Variants in USP34 observed in about 807,000 individuals in gnomAD.
USP34 encodes ubiquitin carboxyl-terminal hydrolase 34.
USP34 carries 70 observed loss-of-function variants against 460.3 expected under a neutral mutation model. That is an observed-to-expected ratio of 0.15 (90% CI 0.13 to 0.19). The LOEUF is 0.19. Ranked by LOEUF, USP34 falls within the 10% of genes least tolerant of loss-of-function variation. The pLI is 1.00. For synonymous variants in USP34, 1,647 were observed against 1,405.3 expected (o/e 1.17, Z -3.85); for missense variants, 3,985 against 4,236.2 (o/e 0.94, Z 1.65).
intron 38 of USP34, 26 bp from the exon 39 acceptor site, chr2:61,280,374 G>T: frequency 1.7e-6 from 2 of 1,165,086 alleles, no homozygotes; most frequent in Non-Finnish European, 2.3e-6. Context: ...TATACTTTGT[G>T]AAAACATTTT....
chr2:61,294,133 C>T (rs1187346475), intron 32 of USP34, among the ~76,000 whole-genome samples: 3 of 152,050 alleles, frequency 2.0e-5, no homozygotes, highest in African/African-American at 7.2e-5. Context: ...ATCACGAGGT[C>T]AGCAGATCAA....
At chr2:61,452,826 A>G (rs769605780) in intron 1 of USP34, among the ~76,000 whole-genome samples, 8 of 151,044 alleles carry the variant, frequency 5.3e-5, no homozygotes, top group Non-Finnish European at 1.2e-4. Context: ...TCAAGGCTGC[A>G]GTCAGTCTTG....
In USP34 at chr2:61,314,585, C is replaced by A; in HGVS notation, c.3542G>T (p.Arg1181Met). Reference sequence around the variant, plus strand: ...AACAGTGTGATATTTTAAAAATTACCTTCTCCTAAACGCTTCCAGATGTGT... The same window carrying A: ...AACAGTGTGATATTTTAAAAATTACATTCTCCTAAACGCTTCCAGATGTGT... ...LKTHLEAFRR[R>M]FAYHLRQWQI... is the part of the protein sequence containing the mutation. The change falls in exon 25 of 80, where the codon AGG (arginine) becomes ATG (methionine). Residue 1181 changes from arginine (R) to methionine (M), a missense_variant and splice_region_variant. Arg to Met is a moderately conservative substitution (Grantham distance 91). This residue lies in a region of USP34 where 1,114 missense variants were observed against 1,122.5 expected (regional missense o/e 0.99). Coordinates refer to ENST00000398571, the MANE Select transcript of USP34 (RefSeq NM_014709.4). 2 of 1,476,546 alleles carry A rather than the reference C, an allele frequency of 1.4e-6. No homozygotes were observed. The highest frequency in any genetic ancestry group is 1.6e-5 in the South Asian group (1 of 64,494). The allele number at this position is 1,476,546 out of a possible 1,614,324, so 91.5% of individuals were successfully genotyped here.
chr2:61,431,895 G>A (rs920020830), intron 1 of USP34, among the ~76,000 whole-genome samples: 3 of 151,894 alleles, frequency 2.0e-5, no homozygotes, highest in African/African-American at 4.8e-5. Context: ...TAGCAGAGAG[G>A]ATTTTGAATG....
chr2:61,272,237 C>T (rs1572890249), intron 41 of USP34, among the ~76,000 whole-genome samples: 1 of 152,078 alleles, frequency 6.6e-6, no homozygotes, highest in Non-Finnish European at 1.5e-5. Flanking sequence ...TGGTGAAACC[C>T]TGTCTCTACT....
intron 75 of USP34, among the ~76,000 whole-genome samples, chr2:61,194,571 CAG>C (rs550246028): frequency 3.1e-3 from 467 of 152,284 alleles, no homozygotes; most frequent in Non-Finnish European, 5.3e-3. Flanking sequence ...GATCACAGAT[CAG>C]GGGCAGCCTT....
At chr2:61,234,855 T>C (rs539061452) in intron 57 of USP34, among the ~76,000 whole-genome samples, 40 of 152,234 alleles carry the variant, frequency 2.6e-4, no homozygotes, top group African/African-American at 9.6e-4. Flanking sequence ...GGGCTGGTCT[T>C]GAACTCCTGA....
At chr2:61,227,268 T>A in intron 61 of USP34, 50 bp from the exon 62 acceptor site, 1 of 1,549,884 alleles carries the variant, frequency 6.5e-7, no homozygotes, top group Non-Finnish European at 8.7e-7. Context: ...TTTAATATCA[T>A]TTTGAGAACA....
intron 39 of USP34, among the ~76,000 whole-genome samples, chr2:61,279,917 T>A (rs61162620): frequency 0.029 from 4,446 of 152,296 alleles, 226 homozygotes; most frequent in African/African-American, 0.1. Context: ...GACTCCAAAC[T>A]ACATGCTATT....
chr2:61,267,807 G>A (rs1203104355), intron 41 of USP34, among the ~76,000 whole-genome samples: 1 of 152,006 alleles, frequency 6.6e-6, no homozygotes, highest in Non-Finnish European at 1.5e-5. Context: ...TAGTAGAGAC[G>A]GGGTTTCACT....
At chr2:61,421,774 A>C (rs1005938952) in intron 1 of USP34, among the ~76,000 whole-genome samples, 1 of 149,184 alleles carries the variant, frequency 6.7e-6, no homozygotes, top group African/African-American at 2.4e-5. Flanking sequence ...TTACATTTAA[A>C]ACACACACAC....
chr2:61,446,718 C>T (rs766198981), intron 1 of USP34, among the ~76,000 whole-genome samples: 6 of 151,194 alleles, frequency 4.0e-5, no homozygotes, highest in Non-Finnish European at 7.4e-5. Flanking sequence ...ATCCCTAGAA[C>T]CTGAGAGGCA....
chr2:61,372,890 C>G (rs192469964), intron 8 of USP34, among the ~76,000 whole-genome samples: 1 of 152,084 alleles, frequency 6.6e-6, no homozygotes, highest in African/African-American at 2.4e-5. Flanking sequence ...TGATGAAACA[C>G]ATTCATCTAC....
chr2:61,367,306 G>A (rs569149943), intron 10 of USP34, among the ~76,000 whole-genome samples: 10 of 150,906 alleles, frequency 6.6e-5, no homozygotes, highest in Admixed American at 2.7e-4. Context: ...GCACGAGTGC[G>A]CGCGCACACA....
chr2:61,192,806 CT>C, intron 76 of USP34, 94 bp downstream of exon 76: 1 of 983,566 alleles, frequency 1.0e-6, no homozygotes. Flanking sequence ...AATGTCCCCA[CT>C]TTTCAGCAAG....
intron 2 of USP34, chr2:61,417,452 G>C (rs1329374643): frequency 2.9e-6 from 1 of 342,624 alleles, no homozygotes; most frequent in Admixed American, 3.9e-5. Context: ...TGATGACACA[G>C]ATAATACTTG....
chr2:61,344,310 G>A (rs2442025), intron 15 of USP34, among the ~76,000 whole-genome samples: 79,734 of 151,954 alleles, frequency 0.52, 21,258 homozygotes, highest in South Asian at 0.73. Context: ...AATACTCACT[G>A]TTTACATATT....
Position 61,227,149 on chromosome 2 carries a change from C to T in USP34, c.7513G>A (p.Ala2505Thr), listed in dbSNP as rs751034532. 1.2e-6 allele frequency: 2 copies of T among 1,613,930 alleles called. No homozygotes were observed. The highest frequency in any genetic ancestry group is 2.2e-5 in the South Asian group (2 of 91,044). Residue 2505 changes from alanine (A) to threonine (T), a missense_variant, in exon 62 of 80, where the codon GCA becomes ACA. Physicochemically the swap from Ala to Thr is moderately conservative, Grantham distance 58. This residue lies in a region of USP34 where 604 missense variants were observed against 684.8 expected (regional missense o/e 0.88). Transcript: ENST00000398571. Reference protein sequence around the residue: ...EEEEEDILSLAEEKYRPAALE... With the variant: ...EEEEEDILSLTEEKYRPAALE... ...GCAGCTGGCCTGTATTTTTCTTCTG[C>T]CAGAGAGAGGATATCTTCTTCCTCC...
At chr2:61,275,492 C>A (rs141710454) in intron 41 of USP34, among the ~76,000 whole-genome samples, 1 of 151,780 alleles carries the variant, frequency 6.6e-6, no homozygotes, top group Non-Finnish European at 1.5e-5. Flanking sequence ...GGTGTGATGG[C>A]GTATGCCTAT....
Sources: allele counts gnomAD v4.1 joint callset (sites outside exome capture counted in the v4.1 genomes callset), GRCh38; gene constraint gnomAD v4.1.1; regional missense constraint gnomAD v4.1.1; transcripts MANE v1.5; gene names NCBI Gene and HGNC (gene_info 2026-07-23, HGNC 2026-07-21).